The following TTC3 variants were observed in gnomAD, a reference collection of about 807,000 sequenced individuals.
TTC3 encodes the protein E3 ubiquitin-protein ligase TTC3.
Under a neutral mutation model 249.6 loss-of-function variants are expected in TTC3, and 180 were observed. The ratio of observed to expected loss-of-function variants is 0.72; its 90% CI spans 0.64 to 0.82. TTC3 has a LOEUF of 0.82. Among genes scored for constraint, TTC3 ranks in the 40% least tolerant of loss-of-function variants. The pLI is 0.00. For missense variants in TTC3, 2,061 were observed against 2,398.4 expected (o/e 0.86, Z 2.94); for synonymous variants, 717 against 805.0 (o/e 0.89, Z 1.85).
chr21:37,176,934 A>T (rs2040125), intron 35 of TTC3, among the ~76,000 whole-genome samples: 1 of 152,104 alleles, frequency 6.6e-6, no homozygotes, highest in South Asian at 2.1e-4. Flanking sequence ...CAGTGTAGGC[A>T]TATCAGTTAA....
chr21:37,114,818 A>G (rs1346437419), intron 11 of TTC3, among the ~76,000 whole-genome samples: 3 of 152,094 alleles, frequency 2.0e-5, no homozygotes, highest in South Asian at 2.1e-4. Context: ...TTAAGAAAAT[A>G]TGGCACATAT....
At chr21:37,117,018 G>A (rs1402981785) in intron 11 of TTC3, among the ~76,000 whole-genome samples, 1 of 150,564 alleles carries the variant, frequency 6.6e-6, no homozygotes, top group Non-Finnish European at 1.5e-5. Context: ...TAGATTAATT[G>A]TAGGAGTTTA....
intron 24 of TTC3, among the ~76,000 whole-genome samples, chr21:37,150,397 T>G (rs2079357425): frequency 6.6e-6 from 1 of 152,180 alleles, no homozygotes; most frequent in Non-Finnish European, 1.5e-5. Flanking sequence ...GCTTTTTATA[T>G]CTTAGTTTTA....
intron 23 of TTC3, 80 bp from the exon 24 acceptor site, chr21:37,149,998 G>T: frequency 9.8e-7 from 1 of 1,021,672 alleles, no homozygotes. Flanking sequence ...TGTTCCTAGT[G>T]GTAAAAATAG....
chr21:37,108,948 C>T (rs8126889), intron 11 of TTC3, among the ~76,000 whole-genome samples: 103,758 of 152,088 alleles, frequency 0.68, 35,842 homozygotes, highest in African/African-American at 0.77. Context: ...GTAGGATTTA[C>T]AGCTGGAATA....
At chr21:37,156,769 T>C (rs1208225625) in exon 28 of TTC3, 1 of 1,613,970 alleles carries the variant, frequency 6.2e-7, no homozygotes, top group African/African-American at 1.3e-5. Context: ...CTAGACTCTA[T>C]AGAAGGAAAG....
intron 7 of TTC3, 23 bp downstream of exon 7, chr21:37,091,436 G>T (rs372978750): frequency 6.3e-7 from 1 of 1,579,932 alleles, no homozygotes; most frequent in Non-Finnish European, 8.6e-7. Flanking sequence ...GCTTTAAATT[G>T]TTACTTGACT....
intron 1 of TTC3, among the ~76,000 whole-genome samples, chr21:37,076,394 C>T (rs1391131244): frequency 6.6e-6 from 1 of 152,056 alleles, no homozygotes; most frequent in Non-Finnish European, 1.5e-5. Context: ...CTTTTTGGTT[C>T]ACAGTTGTAA....
At chr21:37,126,205 C>A in intron 15 of TTC3, 62 bp downstream of exon 15, 2 of 1,500,504 alleles carry the variant, frequency 1.3e-6, no homozygotes, top group Non-Finnish European at 9.2e-7. Context: ...AATTTGGATG[C>A]CCTACAATGT....
At chr21:37,073,595 C>T in intron 1 of TTC3, 122 bp downstream of exon 1, 1 of 747,592 alleles carries the variant, frequency 1.3e-6, no homozygotes, top group Non-Finnish European at 1.6e-6. Flanking sequence ...GTGGGTTTGC[C>T]CCCTTGGTCT....
intron 20 of TTC3, 85 bp downstream of exon 20, chr21:37,140,758 T>C (rs2078369109): frequency 3.4e-6 from 3 of 878,978 alleles, no homozygotes; most frequent in Non-Finnish European, 5.1e-6. Flanking sequence ...TCTAGAATTA[T>C]TTTGATATCT....
At chr21:37,135,337 A>T in intron 17 of TTC3, 43 bp from the exon 18 acceptor site, 1 of 1,565,882 alleles carries the variant, frequency 6.4e-7, no homozygotes, top group Non-Finnish European at 8.7e-7. Context: ...TAAATTAAAA[A>T]TGTGTAGATT....
At chr21:37,077,510 T>A (rs2071063062) in intron 1 of TTC3, among the ~76,000 whole-genome samples, 1 of 152,196 alleles carries the variant, frequency 6.6e-6, no homozygotes, top group Non-Finnish European at 1.5e-5. Flanking sequence ...GTTGTATCAG[T>A]TTGTACTTTG....
chr21:37,182,893 G>T, exon 36 of TTC3: 1 of 1,571,770 alleles, frequency 6.4e-7, no homozygotes, highest in Non-Finnish European at 8.6e-7. Flanking sequence ...AAATTAAAAA[G>T]GTTTCAAATG....
intron 14 of TTC3, among the ~76,000 whole-genome samples, chr21:37,125,498 A>T (rs372469818): frequency 6.6e-6 from 1 of 152,286 alleles, no homozygotes; most frequent in South Asian, 2.1e-4. Context: ...TACTGAAGTG[A>T]TGTGTCTTTT....
intron 27 of TTC3, among the ~76,000 whole-genome samples, chr21:37,153,741 A>G (rs1217916241): frequency 6.6e-6 from 1 of 152,212 alleles, no homozygotes; most frequent in Non-Finnish European, 1.5e-5. Flanking sequence ...ACCATGGTAA[A>G]TAACACATCC....
intron 11 of TTC3, among the ~76,000 whole-genome samples, chr21:37,108,659 T>G (rs1182445872): frequency 6.6e-6 from 1 of 152,070 alleles, no homozygotes; most frequent in African/African-American, 2.4e-5. Context: ...GTGGGCATCT[T>G]GAGTCTTCAG....
At chr21:37,085,494 G>A (rs571280785) in intron 1 of TTC3, among the ~76,000 whole-genome samples, 14 of 152,300 alleles carry the variant, frequency 9.2e-5, no homozygotes, top group African/African-American at 3.4e-4. Context: ...GGATTCAGAT[G>A]GGTGAAAAAT....
intron 8 of TTC3, 31 bp downstream of exon 8, chr21:37,094,121 G>C: frequency 7.2e-7 from 1 of 1,382,476 alleles, no homozygotes; most frequent in Non-Finnish European, 9.9e-7. Flanking sequence ...TATATTTTAA[G>C]ATTTGCCCAT....
Sources: gnomAD v4.1 joint callset for allele counts (sites outside exome capture counted in the v4.1 genomes callset) on GRCh38, gnomAD v4.1.1 for gene constraint, MANE v1.5 for transcripts, NCBI Gene and HGNC (gene_info 2026-07-23, HGNC 2026-07-21) for gene names.